Variants in GRIK2 observed in about 807,000 individuals in gnomAD.
The protein encoded by GRIK2 is glutamate receptor ionotropic, kainate 2.
A neutral mutation model predicts 100.3 loss-of-function variants in GRIK2; 32 were observed. That is an observed-to-expected ratio of 0.32 (90% CI 0.24 to 0.43). GRIK2 has a LOEUF of 0.43. GRIK2 is among the 20% of genes least tolerant of loss of function. The pLI is 1.00. For synonymous variants in GRIK2, 417 were observed against 389.4 expected, an observed-to-expected ratio of 1.07 and a Z score of -0.83; for missense variants, 843 against 1,114.9, an observed-to-expected ratio of 0.76 and a Z score of 3.47.
rs570336938 is a variant in GRIK2, at chr6:101,926,381, A to G, written c.1867+1662A>G. 1.9e-3 allele frequency among the ~76,000 whole-genome samples: 293 copies of G among 152,142 alleles called. 1 individual carries two copies. Among genetic ancestry groups the G allele is most frequent in the Non-Finnish European group, 3.7e-3 (250 of 67,970 alleles). ...TGCTAGTCGTCTGTTAATAATTAGT[A>G]GTCTGGAGGGAGTTATCCTCATAAT... On this transcript the variant is annotated intron_variant, in intron 13 of 16. Transcript: ENST00000369134.
At chr6:101,957,969 A>T (rs1402122357) in intron 14 of GRIK2, among the ~76,000 whole-genome samples, 2 of 151,938 alleles carry the variant, frequency 1.3e-5, no homozygotes, top group Non-Finnish European at 2.9e-5. Flanking sequence ...TGATACATCA[A>T]GCTTTGATTT....
chr6:101,845,494 C>A lies in GRIK2; in HGVS notation c.1318-13793C>A, dbSNP rs193223913. Among the ~76,000 whole-genome samples the A allele has an allele frequency of 2.4e-3, 368 of 152,258 alleles. 1 individual carries two copies. The highest frequency in any genetic ancestry group is 0.012 in the South Asian group (59 of 4,826). ...CATGCTGTAACATGTATCAATACTT[C>A]AATACTTTTATGATTAAATGATATT... On this transcript the variant is annotated intron_variant, in intron 10 of 16. Transcript: ENST00000369134.
At chr6:101,890,469 C>A in intron 12 of GRIK2, 2 of 152,294 alleles carry the variant, frequency 1.3e-5, no homozygotes, top group South Asian at 4.2e-4. Flanking sequence ...GTGGCTGATG[C>A]CTATAATCCA....
intron 2 of GRIK2, among the ~76,000 whole-genome samples, chr6:101,583,070 C>G (rs992744819): frequency 1.3e-5 from 2 of 151,956 alleles, no homozygotes; most frequent in Non-Finnish European, 2.9e-5. Flanking sequence ...AGAGAAAGGC[C>G]AGGAGGCAGA....
At chr6:101,482,149 T>G (rs539815827) in intron 2 of GRIK2, among the ~76,000 whole-genome samples, 2 of 152,220 alleles carry the variant, frequency 1.3e-5, no homozygotes, top group African/African-American at 2.4e-5. Context: ...TTGGTTATTA[T>G]ACACACTAGT....
Position 101,995,981 on chromosome 6 carries a change from A to G in GRIK2, c.2086-39360A>G, listed in dbSNP as rs193279882. 1.0e-3 allele frequency among the ~76,000 whole-genome samples: 158 copies of G among 152,152 alleles called. 1 individual carries two copies. The highest frequency in any genetic ancestry group is 1.7e-3 in the Non-Finnish European group (113 of 67,974). ...TAGAAATGAAGATATTTCAAGGAGA[A>G]TATAAGAACGGCAAGGTCTTTGTAG... On this transcript the variant is annotated intron_variant, in intron 14 of 16. Transcript: ENST00000369134.
At chr6:101,624,226 A>G (rs1216485716) in intron 3 of GRIK2, among the ~76,000 whole-genome samples, 1 of 152,066 alleles carries the variant, frequency 6.6e-6, no homozygotes, top group Non-Finnish European at 1.5e-5. Context: ...CACACTTAGA[A>G]ACATTCTAAA....
chr6:101,766,142 T>C (rs1010411652), intron 7 of GRIK2, among the ~76,000 whole-genome samples: 1 of 152,054 alleles, frequency 6.6e-6, no homozygotes, highest in African/African-American at 2.4e-5. Context: ...AAGTCCAGCA[T>C]CATTGGAACA....
intron 7 of GRIK2, among the ~76,000 whole-genome samples, chr6:101,768,323 A>G (rs1347459474): frequency 6.6e-6 from 1 of 152,186 alleles, no homozygotes; most frequent in Non-Finnish European, 1.5e-5. Context: ...GTTCCATGGA[A>G]TAAGTTTCTC....
chr6:101,732,903 AAG>A (rs1188072793), intron 7 of GRIK2, among the ~76,000 whole-genome samples: 1 of 152,072 alleles, frequency 6.6e-6, no homozygotes, highest in African/African-American at 2.4e-5. Flanking sequence ...ACTGGAGAGA[AAG>A]AGAGAGCAAG....
chr6:101,733,634 T>A (rs1775428212), intron 7 of GRIK2, among the ~76,000 whole-genome samples: 1 of 151,510 alleles, frequency 6.6e-6, no homozygotes, highest in African/African-American at 2.4e-5. Context: ...GTAATATGAA[T>A]AGGCTGAGAA....
chr6:101,580,802 T>G (rs1400220351), intron 2 of GRIK2, among the ~76,000 whole-genome samples: 1 of 152,082 alleles, frequency 6.6e-6, no homozygotes, highest in Non-Finnish European at 1.5e-5. Context: ...CTGTTCCTTT[T>G]ACCAGGAATG....
intron 4 of GRIK2, among the ~76,000 whole-genome samples, chr6:101,646,926 G>A (rs987397720): frequency 6.6e-6 from 1 of 151,792 alleles, no homozygotes; most frequent in Non-Finnish European, 1.5e-5. Flanking sequence ...AAACATGAGA[G>A]GTAAACATAA....
chr6:101,465,089 AT>A (rs1013205005), intron 2 of GRIK2, among the ~76,000 whole-genome samples: 4 of 151,846 alleles, frequency 2.6e-5, no homozygotes, highest in African/African-American at 4.8e-5. Context: ...TCCTTGGATA[AT>A]TTTTTTTGCC....
At chr6:101,923,640 G>A (rs1370376850) in intron 12 of GRIK2, among the ~76,000 whole-genome samples, 5 of 152,068 alleles carry the variant, frequency 3.3e-5, no homozygotes, top group Non-Finnish European at 7.4e-5. Context: ...TGCTTTGATG[G>A]CTCGGCGCGG....
intron 2 of GRIK2, among the ~76,000 whole-genome samples, chr6:101,453,031 C>T (rs1486031801): frequency 2.6e-5 from 4 of 151,780 alleles, no homozygotes; most frequent in African/African-American, 4.8e-5. Flanking sequence ...ATCCTTTCTT[C>T]TAAGGATATT....
At chr6:101,574,399 G>T (rs1345172336) in intron 2 of GRIK2, among the ~76,000 whole-genome samples, 1 of 147,054 alleles carries the variant, frequency 6.8e-6, no homozygotes, top group African/African-American at 2.5e-5. Context: ...ATACACTTTA[G>T]CAGCTTATTT....
At chr6:101,837,477 A>C (rs1451060539) in intron 10 of GRIK2, among the ~76,000 whole-genome samples, 1 of 152,202 alleles carries the variant, frequency 6.6e-6, no homozygotes. Flanking sequence ...TTCATAATGT[A>C]TATATATACC....
At chr6:101,802,165 T>C (rs1373432750) in intron 8 of GRIK2, among the ~76,000 whole-genome samples, 166 bp from the exon 9 acceptor site, 4 of 151,926 alleles carry the variant, frequency 2.6e-5, no homozygotes, top group Non-Finnish European at 5.9e-5. Flanking sequence ...TAGGATAATT[T>C]ATGTAGAAAA....
Sources: gnomAD v4.1 joint callset for allele counts (sites outside exome capture counted in the v4.1 genomes callset) on GRCh38, gnomAD v4.1.1 for gene constraint, MANE v1.5 for transcripts, NCBI Gene and HGNC (gene_info 2026-07-23, HGNC 2026-07-21) for gene names.